RBFOX1: variants seen among roughly 807,000 people sequenced by gnomAD.
RBFOX1 encodes the protein RNA binding fox-1 homolog 1, also known as RNA binding protein fox-1 homolog 1.
Under a neutral mutation model 57.7 loss-of-function variants are expected in RBFOX1, and 8 were observed. The ratio of observed to expected loss-of-function variants is 0.14; its 90% CI spans 0.08 to 0.25. The LOEUF is 0.25. Among genes scored for constraint, RBFOX1 ranks in the 10% least tolerant of loss-of-function variants. The pLI, the probability that RBFOX1 is intolerant of heterozygous loss-of-function variation, is 1.00. For synonymous variants in RBFOX1, 326 were observed against 222.4 expected (o/e 1.47, Z -4.15); for missense variants, 611 against 548.5 (o/e 1.11, Z -1.14).
chr16:7,244,204 ATC>A (rs2094191962), intron 4 of RBFOX1, among the ~76,000 whole-genome samples: 2 of 145,978 alleles, frequency 1.4e-5, no homozygotes, highest in African/African-American at 5.1e-5. Flanking sequence ...TATATCTTTC[ATC>A]CCTTCTTCAG....
chr16:6,693,308 TACCAACACC>T, intron 3 of RBFOX1, among the ~76,000 whole-genome samples: 1 of 146,516 alleles, frequency 6.8e-6, no homozygotes, highest in South Asian at 2.2e-4. Context: ...CTTCCTCCAC[TACCAACACC>T]ACCATCATCA....
At chr16:7,321,369 C>T (rs928402682) in intron 4 of RBFOX1, among the ~76,000 whole-genome samples, 4 of 152,112 alleles carry the variant, frequency 2.6e-5, no homozygotes, top group African/African-American at 9.7e-5. Flanking sequence ...TGTTCTTGAA[C>T]TCCTGACCTC....
At chr16:5,642,906 C>A (rs1029513600) in intron 3 of RBFOX1, among the ~76,000 whole-genome samples, 2 of 152,158 alleles carry the variant, frequency 1.3e-5, no homozygotes, top group African/African-American at 4.8e-5. Flanking sequence ...AGGCTCCTTG[C>A]CTTTCTCACC....
At chr16:6,443,005 G>C (rs1182863950) in intron 2 of RBFOX1, among the ~76,000 whole-genome samples, 1 of 152,170 alleles carries the variant, frequency 6.6e-6, no homozygotes, top group Non-Finnish European at 1.5e-5. Flanking sequence ...CCAGGAATCT[G>C]TACTTGGAGC....
At chr16:7,646,796 G>A (rs2063823782) in intron 11 of RBFOX1, among the ~76,000 whole-genome samples, 1 of 152,130 alleles carries the variant, frequency 6.6e-6, no homozygotes, top group South Asian at 2.1e-4. Flanking sequence ...CTGGTTTTGT[G>A]TTTTTTCTCT....
intron 1 of RBFOX1, among the ~76,000 whole-genome samples, chr16:5,317,803 A>G (rs574427518): frequency 2.0e-5 from 3 of 152,256 alleles, no homozygotes; most frequent in Non-Finnish European, 2.9e-5. Context: ...CATTTAAACC[A>G]TTTTAAGTTT....
At chr16:7,427,024 A>G (rs992730479) in intron 4 of RBFOX1, among the ~76,000 whole-genome samples, 2 of 152,232 alleles carry the variant, frequency 1.3e-5, no homozygotes, top group African/African-American at 2.4e-5. Flanking sequence ...ACAGAAAACC[A>G]AACACTGCGT....
chr16:5,630,074 C>T (rs1365702969), intron 3 of RBFOX1, among the ~76,000 whole-genome samples: 1 of 152,190 alleles, frequency 6.6e-6, no homozygotes, highest in Non-Finnish European at 1.5e-5. Flanking sequence ...TTTCTTTCCA[C>T]CTATCTTTAT....
intron 2 of RBFOX1, among the ~76,000 whole-genome samples, chr16:6,354,046 C>G (rs560364778): frequency 1.6e-4 from 24 of 152,142 alleles, no homozygotes; most frequent in African/African-American, 4.6e-4. Context: ...ATGGTGAGAC[C>G]CCGTCTCTAC....
intron 1 of RBFOX1, among the ~76,000 whole-genome samples, chr16:5,439,875 G>T (rs868120160): frequency 8.5e-5 from 13 of 152,194 alleles, no homozygotes; most frequent in African/African-American, 3.1e-4. Context: ...TAGGGCATGA[G>T]ATTAAAATTG....
At chr16:5,896,937 C>T (rs774545052) in intron 4 of RBFOX1, among the ~76,000 whole-genome samples, 7 of 150,626 alleles carry the variant, frequency 4.6e-5, no homozygotes, top group South Asian at 4.2e-4. Context: ...CTCCAACATT[C>T]GTTTGAAAGC....
intron 3 of RBFOX1, among the ~76,000 whole-genome samples, chr16:6,684,301 C>T (rs977812964): frequency 6.6e-6 from 1 of 152,154 alleles, no homozygotes; most frequent in African/African-American, 2.4e-5. Flanking sequence ...AGGCGCCAGC[C>T]ACTGTTTTAA....
intron 4 of RBFOX1, among the ~76,000 whole-genome samples, chr16:7,192,996 G>A (rs1160258379): frequency 6.6e-5 from 10 of 152,174 alleles, no homozygotes; most frequent in Admixed American, 6.5e-4. Context: ...CAAGGTGGTA[G>A]GCAAAATAAT....
At chr16:6,762,033 A>G (rs936746025) in intron 3 of RBFOX1, among the ~76,000 whole-genome samples, 5 of 152,236 alleles carry the variant, frequency 3.3e-5, no homozygotes, top group East Asian at 1.9e-4. Flanking sequence ...GATGAAATAT[A>G]GTGTAGATGT....
chr16:6,839,359 C>T (rs773492928), intron 3 of RBFOX1, among the ~76,000 whole-genome samples: 14 of 152,202 alleles, frequency 9.2e-5, no homozygotes, highest in Non-Finnish European at 1.5e-4. Flanking sequence ...CTGACTCCAT[C>T]TGGGCAGAAA....
At chr16:6,959,487 T>C (rs1221376228) in intron 3 of RBFOX1, among the ~76,000 whole-genome samples, 2 of 151,358 alleles carry the variant, frequency 1.3e-5, no homozygotes, top group East Asian at 3.9e-4. Context: ...CTCAAGGGAG[T>C]ATCTTTTTTT....
chr16:6,498,304 A>G (rs548168655), intron 2 of RBFOX1, among the ~76,000 whole-genome samples: 79 of 152,148 alleles, frequency 5.2e-4, no homozygotes, highest in African/African-American at 1.8e-3. Context: ...TCCTAGGTTG[A>G]TAAAATTACT....
At chr16:6,720,027 G>C (rs553446883) in intron 3 of RBFOX1, among the ~76,000 whole-genome samples, 12 of 152,126 alleles carry the variant, frequency 7.9e-5, no homozygotes, top group East Asian at 7.8e-4. Context: ...CTGGGAGGCA[G>C]AGGTTGCAGT....
intron 12 of RBFOX1, among the ~76,000 whole-genome samples, chr16:7,654,618 A>C (rs1438859512): frequency 6.6e-6 from 1 of 151,764 alleles, no homozygotes; most frequent in African/African-American, 2.4e-5. Context: ...ATGTCAAGGA[A>C]TGGTGTGAAT....
Sources: gnomAD v4.1 joint callset for allele counts (sites outside exome capture counted in the v4.1 genomes callset) on GRCh38, gnomAD v4.1.1 for gene constraint, MANE v1.5 for transcripts, NCBI Gene and HGNC (gene_info 2026-07-23, HGNC 2026-07-21) for gene names.